The following ZNF385B variants were observed in gnomAD, a reference collection of about 807,000 sequenced individuals.
The protein encoded by ZNF385B is zinc finger protein 385B, also known as zinc finger protein 533.
ZNF385B carries 23 observed loss-of-function variants against 39.2 expected under a neutral mutation model. The ratio of observed to expected loss-of-function variants is 0.59; its 90% confidence interval spans 0.42 to 0.83. The LOEUF (loss-of-function observed/expected upper bound fraction) is 0.83. ZNF385B is among the 40% of genes least tolerant of loss of function. The probability of loss-of-function intolerance (pLI) is 0.00; values close to 1 mark genes in which losing one functional copy is unlikely to be tolerated. For synonymous variants in ZNF385B, 205 were observed against 222.6 expected (o/e 0.92, Z 0.70); for missense variants, 552 against 598.9 (o/e 0.92, Z 0.82).
intron 1 of ZNF385B, among the ~76,000 whole-genome samples, chr2:179,792,594 C>T: frequency 7.0e-6 from 1 of 143,552 alleles, no homozygotes; most frequent in East Asian, 2.6e-4. Context: ...AGGCTGGTCT[C>T]AAACTCCTGA....
rs566905086 is a variant in ZNF385B, at chr2:179,752,930, T to G, written c.298+16573A>C. On this transcript the variant is annotated intron_variant, in intron 3 of 9. Coordinates refer to ENST00000410066, the MANE Select transcript of ZNF385B (RefSeq NM_152520.6). ...TTTCTTTTGCTGTGCAGAAGCTCTT[T>G]AGTTTAATTAGATCCCATTTGTCAA... is the stretch of plus-strand genomic sequence containing the variant. 2.2e-4 allele frequency among the ~76,000 whole-genome samples: 34 copies of G among 152,316 alleles called. No individual in the cohort carries two copies. In the East Asian group the frequency reaches 5.4e-3, roughly 24 times the overall value.
At chr2:179,562,469 G>A (rs1394287764) in intron 3 of ZNF385B, 1 of 985,266 alleles carries the variant, frequency 1.0e-6, no homozygotes, top group Non-Finnish European at 1.2e-6. Context: ...ACATTTAAAA[G>A]TAAATAATTC....
At chr2:179,487,850 A>G (rs1249080596) in intron 5 of ZNF385B, among the ~76,000 whole-genome samples, 1 of 152,224 alleles carries the variant, frequency 6.6e-6, no homozygotes, top group Non-Finnish European at 1.5e-5. Flanking sequence ...TTCACATAAG[A>G]ATTCATCAGC....
intron 1 of ZNF385B, among the ~76,000 whole-genome samples, chr2:179,789,782 G>T (rs1375474806): frequency 6.6e-6 from 1 of 152,154 alleles, no homozygotes; most frequent in Non-Finnish European, 1.5e-5. Context: ...AGCATGTTGG[G>T]ATAATTTTAA....
chr2:179,808,322 G>A (rs61482533), intron 1 of ZNF385B, among the ~76,000 whole-genome samples: 2,151 of 152,250 alleles, frequency 0.014, 45 homozygotes, highest in African/African-American at 0.048. Context: ...GTGAGCCACC[G>A]CACCCGGCCT....
intron 3 of ZNF385B, among the ~76,000 whole-genome samples, chr2:179,757,257 A>G (rs963011480): frequency 6.6e-6 from 1 of 152,240 alleles, no homozygotes; most frequent in Admixed American, 6.5e-5. Flanking sequence ...GGGTATCAGC[A>G]GCGGAGGCTG....
chr2:179,519,953 T>A (rs1022885857), intron 4 of ZNF385B, among the ~76,000 whole-genome samples: 10 of 152,176 alleles, frequency 6.6e-5, no homozygotes, highest in Non-Finnish European at 1.0e-4. Flanking sequence ...AATTAATCTA[T>A]TTTTTGGCTA....
At chr2:179,579,846 A>G (rs1433581743) in intron 3 of ZNF385B, among the ~76,000 whole-genome samples, 1 of 152,176 alleles carries the variant, frequency 6.6e-6, no homozygotes, top group Non-Finnish European at 1.5e-5. Context: ...TTAGAACACT[A>G]TAAGGTGGAC....
intron 3 of ZNF385B, among the ~76,000 whole-genome samples, chr2:179,569,120 C>T (rs1483773031): frequency 6.6e-6 from 1 of 152,076 alleles, no homozygotes; most frequent in East Asian, 1.9e-4. Flanking sequence ...AAACAGGGCA[C>T]AGAAAGACAA....
chr2:179,569,806 C>G (rs1391358844), intron 3 of ZNF385B, among the ~76,000 whole-genome samples: 1 of 152,166 alleles, frequency 6.6e-6, no homozygotes, highest in Non-Finnish European at 1.5e-5. Context: ...TCCAATAAGA[C>G]TTAGGTTGTT....
intron 6 of ZNF385B, among the ~76,000 whole-genome samples, chr2:179,481,781 C>T (rs1171667130): frequency 2.6e-5 from 4 of 152,112 alleles, no homozygotes; most frequent in South Asian, 2.1e-4. Flanking sequence ...CTGCATTAAA[C>T]GAAACCAGGC....
intron 3 of ZNF385B, among the ~76,000 whole-genome samples, chr2:179,586,461 T>C (rs946669134): frequency 2.6e-5 from 4 of 152,104 alleles, no homozygotes; most frequent in African/African-American, 4.8e-5. Context: ...TTATTACCAA[T>C]AAGGAAACAA....
intron 1 of ZNF385B, among the ~76,000 whole-genome samples, chr2:179,827,229 G>A (rs762394531): frequency 3.3e-5 from 5 of 152,184 alleles, no homozygotes; most frequent in Non-Finnish European, 7.4e-5. Context: ...AATGTCCGAG[G>A]AGCTGCAAGA....
intron 5 of ZNF385B, among the ~76,000 whole-genome samples, chr2:179,491,421 G>C (rs2055214829): frequency 6.6e-6 from 1 of 152,128 alleles, no homozygotes; most frequent in Non-Finnish European, 1.5e-5. Flanking sequence ...ACCTGGCAAA[G>C]CATGCCTTTA....
intron 1 of ZNF385B, among the ~76,000 whole-genome samples, chr2:179,784,131 A>G (rs1480600163): frequency 6.6e-6 from 1 of 152,170 alleles, no homozygotes; most frequent in Non-Finnish European, 1.5e-5. Context: ...GCCATGGAAT[A>G]TTATGCAGCT....
chr2:179,724,225 C>G (rs143285218), intron 3 of ZNF385B, among the ~76,000 whole-genome samples: 17,863 of 152,130 alleles, frequency 0.12, 1,266 homozygotes, highest in Non-Finnish European at 0.16. Context: ...AGGAGAATCT[C>G]TTGAACCTGG....
At chr2:179,612,307 G>T (rs1689354722) in intron 3 of ZNF385B, among the ~76,000 whole-genome samples, 1 of 152,176 alleles carries the variant, frequency 6.6e-6, no homozygotes, top group Non-Finnish European at 1.5e-5. Context: ...TGGTATTTAA[G>T]AGCTAAGTAT....
chr2:179,473,664 C>A (rs1344631280), intron 6 of ZNF385B, among the ~76,000 whole-genome samples: 3 of 149,494 alleles, frequency 2.0e-5, no homozygotes, highest in African/African-American at 7.7e-5. Flanking sequence ...CTAATGTCAT[C>A]CCCCCCCATT....
intron 3 of ZNF385B, among the ~76,000 whole-genome samples, chr2:179,580,595 A>G (rs1385358943): frequency 6.6e-6 from 1 of 152,200 alleles, no homozygotes; most frequent in Non-Finnish European, 1.5e-5. Flanking sequence ...CTAATCTAAT[A>G]GGGCTAGTTC....
Sources: allele counts gnomAD v4.1 joint callset (sites outside exome capture counted in the v4.1 genomes callset), GRCh38; gene constraint gnomAD v4.1.1; transcripts MANE v1.5; gene names NCBI Gene and HGNC (gene_info 2026-07-23, HGNC 2026-07-21).